The following RASSF8 variants were observed in gnomAD, a reference collection of about 807,000 sequenced individuals.
RASSF8 encodes ras association domain-containing protein 8.
RASSF8 carries 22 observed loss-of-function variants against 48.5 expected under a neutral mutation model. That is an observed-to-expected ratio of 0.45 (90% CI 0.32 to 0.65). The LOEUF is 0.65. Ranked by LOEUF, RASSF8 falls within the 30% of genes least tolerant of loss-of-function variation. The pLI is 0.03. For synonymous variants in RASSF8, 127 were observed against 171.5 expected (o/e 0.74, Z 2.03); for missense variants, 418 against 489.2 (o/e 0.85, Z 1.37).
intron 2 of RASSF8, among the ~76,000 whole-genome samples, chr12:26,037,228 A>T (rs545517320): frequency 1.3e-5 from 2 of 152,352 alleles, no homozygotes; most frequent in South Asian, 4.1e-4. Context: ...AAACAATAAA[A>T]TTAAGAGTCC....
intron 4 of RASSF8, among the ~76,000 whole-genome samples, 198 bp downstream of exon 4, chr12:26,065,585 A>G (rs1465568929): frequency 6.6e-6 from 1 of 152,192 alleles, no homozygotes; most frequent in African/African-American, 2.4e-5. Context: ...TCCATGGAAG[A>G]GCCTTGTCTT....
At position 26,072,654 on chromosome 12, in the gene RASSF8, A is replaced by G. The variant is rs1944023185; in HGVS notation, c.*3836A>G. ...GATTTGAGTTGCTGCAGCTTTAAAC[A>G]GAAAATTGCCATGTTCACTAATTGT... is the stretch of plus-strand genomic sequence containing the variant. On this transcript the variant is annotated 3_prime_UTR_variant, in exon 6 of 6. Coordinates refer to ENST00000689635, the MANE Select transcript of RASSF8 (RefSeq NM_001394098.1). 1.0e-6 allele frequency: 1 copy of G among 985,084 alleles called. No homozygotes were observed. The highest frequency in any genetic ancestry group is 1.2e-6 in the Non-Finnish European group (1 of 829,710). The allele number at this position is 985,084 out of a possible 1,614,324, so 61.0% of individuals were successfully genotyped here. A position where few individuals can be genotyped will look rare whatever the true frequency, so the allele number is the denominator to read the frequency against.
chr12:26,035,490 TATGAA>T (rs1432270652), intron 2 of RASSF8, among the ~76,000 whole-genome samples: 1 of 139,974 alleles, frequency 7.1e-6, no homozygotes, highest in Non-Finnish European at 1.5e-5. Context: ...TATATAATTA[TATGAA>T]ATTATATAAT....
Position 26,064,912 on chromosome 12 carries a change from A to C in RASSF8, c.518A>C (p.Gln173Pro), listed in dbSNP as rs1310650389. Residue 173 changes from glutamine to proline, a missense_variant, in exon 4 of 6, where the codon CAG (glutamine) becomes CCG (proline). Transcript: ENST00000689635. ...GAGTTGAAGAAGCTAATCCGTCTGC[A>C]GACAGAGAAGCTTCAATCCATTGAG... Reference protein sequence around the residue: ...ADELKKLIRLQTEKLQSIEKQ... With the variant: ...ADELKKLIRLPTEKLQSIEKQ... The C allele has an allele frequency of 1.2e-6, 2 of 1,614,258 alleles. No individual in the cohort carries two copies. Among genetic ancestry groups the C allele is most frequent in the Non-Finnish European group, 1.7e-6 (2 of 1,180,046 alleles).
At chr12:26,014,661 A>T (rs1942605356) in intron 2 of RASSF8, among the ~76,000 whole-genome samples, 1 of 152,150 alleles carries the variant, frequency 6.6e-6, no homozygotes, top group Admixed American at 6.5e-5. Flanking sequence ...ACAAATTTTG[A>T]CAATACTCAT....
chr12:25,997,026 A>AT (rs757356585), intron 2 of RASSF8, among the ~76,000 whole-genome samples: 34 of 152,008 alleles, frequency 2.2e-4, no homozygotes, highest in Middle Eastern at 3.4e-3. Context: ...ACTAAATTAC[A>AT]TTTTTTTCCC....
chr12:25,964,447 A>G (rs1214247466), intron 1 of RASSF8, among the ~76,000 whole-genome samples: 1 of 152,224 alleles, frequency 6.6e-6, no homozygotes, highest in East Asian at 1.9e-4. Context: ...AATGCAGGTT[A>G]TAACAAGAGG....
In RASSF8 at chr12:26,067,670, G is replaced by A. The variant is rs748718855; in HGVS notation, c.1095G>A (p.Ala365=). Residue 365 remains alanine, a synonymous_variant, in exon 5 of 6, where the codon GCG becomes GCA. Transcript: ENST00000689635. ...GGACAAAAGTTACCGTTTTGCCAGC[G>A]GAGCCCATTGAAATAGAGGCCTCAC... ...QTGTKVTVLP[A]EPIEIEASHA... is the part of the protein sequence containing the mutation. The A allele has an allele frequency of 9.3e-6, 15 of 1,614,032 alleles. No individual in the cohort carries two copies. The highest frequency in any genetic ancestry group is 4.0e-5 in the African/African-American group (3 of 74,910).
chr12:26,023,444 C>A (rs936232876), intron 2 of RASSF8, among the ~76,000 whole-genome samples: 1 of 152,120 alleles, frequency 6.6e-6, no homozygotes, highest in Non-Finnish European at 1.5e-5. Flanking sequence ...GACTTCTCAT[C>A]GGAAACAATG....
intron 2 of RASSF8, among the ~76,000 whole-genome samples, chr12:26,054,295 C>T (rs921201833): frequency 6.6e-6 from 1 of 151,846 alleles, no homozygotes; most frequent in Non-Finnish European, 1.5e-5. Flanking sequence ...ACATTCTTAT[C>T]GATACAGGAA....
At chr12:26,046,658 A>G (rs1298236619) in intron 2 of RASSF8, among the ~76,000 whole-genome samples, 1 of 116,302 alleles carries the variant, frequency 8.6e-6, no homozygotes, top group Non-Finnish European at 1.8e-5. Flanking sequence ...CAACATAAGG[A>G]GACCCCATCT....
At chr12:26,040,199 G>A (rs1047503114) in intron 2 of RASSF8, among the ~76,000 whole-genome samples, 1 of 152,086 alleles carries the variant, frequency 6.6e-6, no homozygotes, top group Non-Finnish European at 1.5e-5. Flanking sequence ...AAAGAAATTA[G>A]GAAATTGTTT....
At chr12:25,986,151 C>T (rs532837688) in intron 1 of RASSF8, among the ~76,000 whole-genome samples, 22 of 152,206 alleles carry the variant, frequency 1.4e-4, no homozygotes, top group Middle Eastern at 3.4e-3. Context: ...TATATCCAGT[C>T]GAGCTTCCCA....
chr12:25,977,435 A>G (rs706535), intron 1 of RASSF8, among the ~76,000 whole-genome samples: 2,784 of 152,288 alleles, frequency 0.018, 99 homozygotes, highest in African/African-American at 0.064. Context: ...TATTTAAGGA[A>G]CAACCCAACT....
upstream of RASSF8, chr12:25,958,661 C>G (rs961788103): frequency 3.4e-5 from 5 of 146,144 alleles, no homozygotes; most frequent in Non-Finnish European, 6.1e-5. Context: ...CCGGCCCGGC[C>G]CCCAGCCCGG....
chr12:26,040,029 A>T (rs1943231144), intron 2 of RASSF8, among the ~76,000 whole-genome samples: 1 of 152,294 alleles, frequency 6.6e-6, no homozygotes, highest in African/African-American at 2.4e-5. Context: ...TTAAATTATG[A>T]CTTCATTTTC....
At chr12:26,065,886 T>C (rs1943862612) in intron 4 of RASSF8, among the ~76,000 whole-genome samples, 1 of 152,186 alleles carries the variant, frequency 6.6e-6, no homozygotes, top group African/African-American at 2.4e-5. Flanking sequence ...TGTCTGATTT[T>C]CCCCCTTTCT....
chr12:26,020,542 A>G (rs1233200155), intron 2 of RASSF8: 5 of 152,192 alleles, frequency 3.3e-5, no homozygotes, highest in Non-Finnish European at 7.3e-5. Context: ...TTAAAAGAAT[A>G]TTGTTTTCAG....
chr12:26,060,265 T>C (rs1322100701), intron 3 of RASSF8, among the ~76,000 whole-genome samples: 1 of 152,168 alleles, frequency 6.6e-6, no homozygotes, highest in Non-Finnish European at 1.5e-5. Context: ...ATTCTGTGAT[T>C]ACATGATATA....
Sources: allele counts gnomAD v4.1 joint callset (sites outside exome capture counted in the v4.1 genomes callset), GRCh38; gene constraint gnomAD v4.1.1; transcripts MANE v1.5; gene names NCBI Gene and HGNC (gene_info 2026-07-23, HGNC 2026-07-21).